Variants in PTPRD observed in about 807,000 individuals in gnomAD.
The protein encoded by PTPRD is protein tyrosine phosphatase receptor type D.
PTPRD carries 34 observed loss-of-function variants against 214.5 expected under a neutral mutation model. The ratio of observed to expected loss-of-function variants is 0.16; its 90% CI spans 0.12 to 0.21. PTPRD has a LOEUF of 0.21. Ranked by LOEUF, PTPRD falls within the 10% of genes least tolerant of loss-of-function variation. The pLI is 1.00. For missense variants in PTPRD, 2,545 were observed against 2,398.7 expected (o/e 1.06, Z -1.27); for synonymous variants, 1,128 against 845.7 (o/e 1.33, Z -5.79).
At chr9:9,798,869 C>T (rs1279738494) in intron 5 of PTPRD, among the ~76,000 whole-genome samples, 5 of 152,148 alleles carry the variant, frequency 3.3e-5, no homozygotes. Flanking sequence ...ATTACCAAAG[C>T]ATAGTGGGTG....
At chr9:8,777,345 T>C (rs913815581) in intron 11 of PTPRD, among the ~76,000 whole-genome samples, 1 of 151,860 alleles carries the variant, frequency 6.6e-6, no homozygotes, top group African/African-American at 2.4e-5. Context: ...ACATTTGTCT[T>C]TTATATTTCC....
intron 39 of PTPRD, among the ~76,000 whole-genome samples, chr9:8,367,482 A>C (rs2080245261): frequency 6.6e-6 from 1 of 152,196 alleles, no homozygotes; most frequent in African/African-American, 2.4e-5. Context: ...CTCATAGCCA[A>C]AATTCTACGA....
Position 8,957,919 on chromosome 9 carries a change from A to T in PTPRD, c.-104+60778T>A, listed in dbSNP as rs531597208. Among the ~76,000 whole-genome samples, 4 of 151,384 alleles carry T rather than the reference A, an allele frequency of 2.6e-5. No individual in the cohort carries two copies. The South Asian group carries it at 6.2e-4, about 24-fold the overall frequency. On this transcript the variant is annotated intron_variant, in intron 11 of 45. Coordinates refer to ENST00000381196, the MANE Select transcript of PTPRD (RefSeq NM_002839.4). ...AAATGAAAAAAAAAATATCATTCTCAGAAAAAGAAGACCATTCTTTACCTT... is the reference window on the plus strand; with the variant it reads ...AAATGAAAAAAAAAATATCATTCTCTGAAAAAGAAGACCATTCTTTACCTT...
At chr9:9,849,805 T>C (rs1243943799) in intron 5 of PTPRD, among the ~76,000 whole-genome samples, 1 of 152,014 alleles carries the variant, frequency 6.6e-6, no homozygotes, top group East Asian at 1.9e-4. Context: ...AAGAATCAAA[T>C]CAAAATCTTC....
At chr9:8,542,794 G>T (rs1474709083) in intron 14 of PTPRD, among the ~76,000 whole-genome samples, 1 of 152,208 alleles carries the variant, frequency 6.6e-6, no homozygotes, top group African/African-American at 2.4e-5. Flanking sequence ...GTCTGCTTCA[G>T]CCTACACACG....
At chr9:10,013,375 T>C (rs1446388504) in intron 4 of PTPRD, among the ~76,000 whole-genome samples, 5 of 152,020 alleles carry the variant, frequency 3.3e-5, no homozygotes, top group African/African-American at 1.2e-4. Context: ...ATATTCCATT[T>C]GTAAATAAAT....
intron 11 of PTPRD, among the ~76,000 whole-genome samples, chr9:8,873,945 A>T (rs2098344788): frequency 6.6e-6 from 1 of 152,214 alleles, no homozygotes; most frequent in Admixed American, 6.5e-5. Context: ...GCACCTGGTC[A>T]TTAAAACATA....
chr9:10,486,154 T>C (rs2099131696), intron 2 of PTPRD, among the ~76,000 whole-genome samples: 2 of 152,146 alleles, frequency 1.3e-5, no homozygotes, highest in African/African-American at 4.8e-5. Flanking sequence ...CTGATGGTAG[T>C]TTCTTTTGCT....
chr9:10,389,754 C>T (rs1586948836), intron 2 of PTPRD, among the ~76,000 whole-genome samples: 1 of 151,810 alleles, frequency 6.6e-6, no homozygotes, highest in Admixed American at 6.6e-5. Context: ...TAATAAATAC[C>T]ACATAAAATA....
intron 11 of PTPRD, among the ~76,000 whole-genome samples, chr9:8,840,516 T>G (rs145330805): frequency 2.6e-5 from 4 of 152,292 alleles, no homozygotes; most frequent in Admixed American, 1.3e-4. Flanking sequence ...TTATTAGCAG[T>G]GTGAAAGCGG....
At position 9,109,749 on chromosome 9, in the gene PTPRD, C is replaced by T. The variant is rs113958669; in HGVS notation, c.-143+73555G>A. On this transcript the variant is annotated intron_variant, in intron 10 of 45. Transcript: ENST00000381196. The stretch of plus-strand genomic sequence containing the variant: ...TTTCTAATATTTTTCCATCTTTCTG[C>T]GAATGAAATAGAGTTGTTTAATATC... Among the ~76,000 whole-genome samples, 1,352 of 152,042 alleles carry T rather than the reference C, an allele frequency of 8.9e-3. 15 individuals are homozygous for T. Among genetic ancestry groups the T allele is most frequent in the African/African-American group, 0.03 (1,248 of 41,468 alleles).
intron 3 of PTPRD, among the ~76,000 whole-genome samples, chr9:10,313,605 T>C (rs2096333761): frequency 6.6e-6 from 1 of 151,960 alleles, no homozygotes; most frequent in South Asian, 2.1e-4. Flanking sequence ...AAGCCATCTA[T>C]GTGTGGCTCC....
chr9:8,495,856 T>C (rs557215462), intron 26 of PTPRD, among the ~76,000 whole-genome samples: 1 of 152,334 alleles, frequency 6.6e-6, no homozygotes, highest in Non-Finnish European at 1.5e-5. Flanking sequence ...TAAATATTCA[T>C]TCAGTGAATG....
chr9:9,658,518 T>C (rs1293956780), intron 7 of PTPRD, among the ~76,000 whole-genome samples: 1 of 151,978 alleles, frequency 6.6e-6, no homozygotes, highest in Non-Finnish European at 1.5e-5. Flanking sequence ...TGATAACTGT[T>C]TGTAAAGCTA....
chr9:8,505,493 G>A (rs369357801), intron 22 of PTPRD, among the ~76,000 whole-genome samples: 11 of 151,546 alleles, frequency 7.3e-5, no homozygotes, highest in African/African-American at 2.7e-4. Context: ...GTGGTGGTGG[G>A]CGCCTGTGGT....
chr9:10,118,600 G>T (rs2098749852), intron 3 of PTPRD, among the ~76,000 whole-genome samples: 1 of 151,464 alleles, frequency 6.6e-6, no homozygotes, highest in Non-Finnish European at 1.5e-5. Flanking sequence ...AAGTAAAAAA[G>T]AATTGGAGAA....
At chr9:9,196,532 T>A (rs1459386708) in intron 9 of PTPRD, among the ~76,000 whole-genome samples, 1 of 152,204 alleles carries the variant, frequency 6.6e-6, no homozygotes, top group African/African-American at 2.4e-5. Context: ...GGTCTAGGAT[T>A]CTAATCCCAT....
intron 3 of PTPRD, among the ~76,000 whole-genome samples, chr9:10,238,459 C>T (rs755943628): frequency 6.6e-6 from 1 of 151,884 alleles, no homozygotes; most frequent in African/African-American, 2.4e-5. Context: ...TCTCCTTGTT[C>T]TTTGGACATA....
chr9:9,021,893 G>C (rs544257385), intron 10 of PTPRD, among the ~76,000 whole-genome samples: 5 of 150,932 alleles, frequency 3.3e-5, no homozygotes, highest in African/African-American at 9.7e-5. Context: ...GTTTTAAAAA[G>C]TTTCTAAAGT....
Sources: allele counts gnomAD v4.1 joint callset (sites outside exome capture counted in the v4.1 genomes callset), GRCh38; gene constraint gnomAD v4.1.1; transcripts MANE v1.5; gene names NCBI Gene and HGNC (gene_info 2026-07-23, HGNC 2026-07-21).